The following NRG1 variants were observed in gnomAD, a reference collection of about 807,000 sequenced individuals.
NRG1 encodes neuregulin 1, also known as pro-neuregulin-1, membrane-bound isoform.
In NRG1, 18 loss-of-function variants were observed where a neutral mutation model predicts 63.8. The observed-to-expected ratio is 0.28, with a 90% confidence interval of 0.19 to 0.42. The LOEUF (loss-of-function observed/expected upper bound fraction) is 0.42, where lower values mean the gene tolerates loss of function less well. NRG1 is among the 10% of genes least tolerant of loss of function. The pLI is 1.00. For missense variants in NRG1, 762 were observed against 814.7 expected (o/e 0.94, Z 0.79); for synonymous variants, 302 against 301.3 (o/e 1.00, Z -0.02).
intron 1 of NRG1, among the ~76,000 whole-genome samples, chr8:32,293,081 G>A (rs1053844315): frequency 1.3e-5 from 2 of 151,976 alleles, no homozygotes; most frequent in South Asian, 2.1e-4. Context: ...TCCAGCCTGG[G>A]CAACAGAGTG....
At chr8:32,202,204 A>C (rs1563903799) in intron 1 of NRG1, among the ~76,000 whole-genome samples, 1 of 152,338 alleles carries the variant, frequency 6.6e-6, no homozygotes, top group Non-Finnish European at 1.5e-5. Context: ...TTATAAAGAA[A>C]AGGAAAAAAA....
At chr8:32,103,969 T>C (rs918812776) in intron 1 of NRG1, among the ~76,000 whole-genome samples, 7 of 152,150 alleles carry the variant, frequency 4.6e-5, no homozygotes, top group Non-Finnish European at 8.8e-5. Flanking sequence ...GAGGAAAACA[T>C]TTTAAAATTA....
rs183792431 is a variant in NRG1 at position 32,713,091 on chromosome 8, G to A, written c.503-14858G>A. On this transcript the variant is annotated intron_variant, in intron 5 of 11. Transcript: ENST00000356819. ...TTCGACCTTTGTGTATATACTTAGT[G>A]TACCTGTCTCTCGAAAGTGATTCCA... 9.2e-5 allele frequency among the ~76,000 whole-genome samples: 14 copies of A among 152,160 alleles called. No individual in the cohort carries two copies. The East Asian group carries it at 2.5e-3, about 27-fold the overall frequency.
intron 1 of NRG1, among the ~76,000 whole-genome samples, chr8:31,696,223 T>C (rs969336767): frequency 1.3e-5 from 2 of 152,146 alleles, no homozygotes; most frequent in Non-Finnish European, 2.9e-5. Context: ...TGTGCCATCA[T>C]GTCCAGCTAA....
chr8:32,325,553 A>G (rs1265823536), intron 1 of NRG1, among the ~76,000 whole-genome samples: 1 of 152,046 alleles, frequency 6.6e-6, no homozygotes, highest in East Asian at 1.9e-4. Flanking sequence ...TTAATTTTTT[A>G]TATTTTGTAG....
chr8:31,898,416 T>C (rs778527861), intron 1 of NRG1, among the ~76,000 whole-genome samples: 5 of 152,204 alleles, frequency 3.3e-5, no homozygotes, highest in African/African-American at 1.2e-4. Flanking sequence ...GTTTTAAAGA[T>C]AGAGAAACTG....
chr8:32,647,163 T>A, intron 5 of NRG1: 1 of 985,356 alleles, frequency 1.0e-6, no homozygotes, highest in Non-Finnish European at 1.2e-6. Flanking sequence ...TCTGTAATGA[T>A]TCAGCCCCTT....
chr8:31,684,224 T>G (rs1447000596), intron 1 of NRG1, among the ~76,000 whole-genome samples: 1 of 152,154 alleles, frequency 6.6e-6, no homozygotes, highest in Non-Finnish European at 1.5e-5. Context: ...ACAAAATTCA[T>G]GTTGAAGCTT....
intron 1 of NRG1, among the ~76,000 whole-genome samples, chr8:32,061,219 T>A (rs1421343573): frequency 6.6e-6 from 1 of 151,946 alleles, no homozygotes; most frequent in East Asian, 1.9e-4. Flanking sequence ...TATCAATGAA[T>A]GGATTCTGAA....
intron 1 of NRG1, among the ~76,000 whole-genome samples, chr8:32,116,129 A>G (rs1350939534): frequency 6.6e-6 from 1 of 151,970 alleles, no homozygotes; most frequent in African/African-American, 2.4e-5. Context: ...GACAACTCCA[A>G]TGGGGATATT....
intron 5 of NRG1, among the ~76,000 whole-genome samples, chr8:32,633,461 A>C (rs1314706833): frequency 1.3e-5 from 2 of 152,160 alleles, no homozygotes; most frequent in African/African-American, 4.8e-5. Flanking sequence ...TCTATCACTA[A>C]TCAAACAAAA....
chr8:31,962,446 A>G (rs1483967016), intron 1 of NRG1, among the ~76,000 whole-genome samples: 1 of 152,182 alleles, frequency 6.6e-6, no homozygotes. Flanking sequence ...AACTTTGCAA[A>G]TTACAGTTAG....
chr8:32,547,613 A>ACG (rs1554577919), upstream of NRG1, among the ~76,000 whole-genome samples: 2 of 145,164 alleles, frequency 1.4e-5, no homozygotes, highest in Non-Finnish European at 3.1e-5. Context: ...ACACACACAC[A>ACG]CACACACACA....
At chr8:32,112,957 T>C (rs1435148964) in intron 1 of NRG1, among the ~76,000 whole-genome samples, 1 of 152,190 alleles carries the variant, frequency 6.6e-6, no homozygotes, top group Admixed American at 6.5e-5. Context: ...AACAGCTTCA[T>C]AATTTGTAGG....
At chr8:32,459,955 A>G (rs754082966) in intron 1 of NRG1, among the ~76,000 whole-genome samples, 18 of 152,360 alleles carry the variant, frequency 1.2e-4, no homozygotes, top group Non-Finnish European at 2.5e-4. Context: ...TGGTGTTGGT[A>G]GCAGTCATTG....
chr8:32,474,278 A>G (rs1332218762), intron 1 of NRG1, among the ~76,000 whole-genome samples: 1 of 152,072 alleles, frequency 6.6e-6, no homozygotes, highest in African/African-American at 2.4e-5. Flanking sequence ...CATTCTGGGA[A>G]CTCCTTGAAA....
chr8:31,832,643 A>G (rs1484697337), intron 1 of NRG1, among the ~76,000 whole-genome samples: 1 of 152,144 alleles, frequency 6.6e-6, no homozygotes. Context: ...CTTGCAGAAA[A>G]TTTAGTACTT....
intron 1 of NRG1, among the ~76,000 whole-genome samples, chr8:32,525,283 C>T (rs1292719234): frequency 2.0e-5 from 3 of 152,170 alleles, no homozygotes; most frequent in African/African-American, 7.2e-5. Context: ...CACACCTGCT[C>T]AGCCTGGCCC....
At chr8:31,729,992 G>T (rs528859754) in intron 1 of NRG1, among the ~76,000 whole-genome samples, 1 of 152,016 alleles carries the variant, frequency 6.6e-6, no homozygotes, top group African/African-American at 2.4e-5. Flanking sequence ...CGGAGTATAG[G>T]GTAATCAAGA....
Sources: allele counts gnomAD v4.1 joint callset (sites outside exome capture counted in the v4.1 genomes callset), GRCh38; gene constraint gnomAD v4.1.1; transcripts MANE v1.5; gene names NCBI Gene and HGNC (gene_info 2026-07-23, HGNC 2026-07-21).